The following DNAAF5 variants were observed in gnomAD, a reference collection of about 807,000 sequenced individuals.
DNAAF5 encodes the protein HEAT repeat containing 2.
DNAAF5 carries 64 observed loss-of-function variants against 75.8 expected under a neutral mutation model. That is an observed-to-expected ratio of 0.84 (90% CI 0.69 to 1.04). The LOEUF (loss-of-function observed/expected upper bound fraction) is 1.04, where lower values mean the gene tolerates loss of function less well. DNAAF5 is among the 50% of genes least tolerant of loss of function. DNAAF5 has a pLI of 0.00. For synonymous variants in DNAAF5, 657 were observed against 557.2 expected (o/e 1.18, Z -2.52); for missense variants, 1,269 against 1,178.5 (o/e 1.08, Z -1.12).
Position 785,756 on chromosome 7 carries a change from G to A in DNAAF5, c.*103G>A. 1 of 1,365,824 alleles carries A rather than the reference G, an allele frequency of 7.3e-7. No homozygotes were observed. Among genetic ancestry groups the A allele is most frequent in the Non-Finnish European group, 9.9e-7 (1 of 1,006,000 alleles). The allele number at this position is 1,365,824 out of a possible 1,614,324, so 84.6% of individuals were successfully genotyped here. A position where few individuals can be genotyped will look rare whatever the true frequency, so the allele number is the denominator to read the frequency against. ...GCACCTCTGTGCCAGCAGTGAGACT[G>A]TGACAGCAAGAATGTACTCCTCAGG... is the stretch of plus-strand genomic sequence containing the variant. On this transcript the variant is annotated 3_prime_UTR_variant, in exon 13 of 13. Transcript: ENST00000297440.
chr7:735,351 CATG>C (rs1295975634), intron 2 of DNAAF5, among the ~76,000 whole-genome samples: 1 of 151,568 alleles, frequency 6.6e-6, no homozygotes, highest in Non-Finnish European at 1.5e-5. Flanking sequence ...TGTAGCTGCT[CATG>C]GTGTCGTTGC....
chr7:768,172 G>C (rs368792307), intron 8 of DNAAF5, among the ~76,000 whole-genome samples: 1 of 102,308 alleles, frequency 9.8e-6, no homozygotes, highest in Non-Finnish European at 2.0e-5. Flanking sequence ...CAGACACGTG[G>C]TCCAGGCGGA....
intron 4 of DNAAF5, among the ~76,000 whole-genome samples, chr7:749,930 C>T (rs1326594194): frequency 2.0e-5 from 3 of 152,164 alleles, no homozygotes; most frequent in Non-Finnish European, 4.4e-5. Context: ...AACTCCTGGC[C>T]TCAGGTGATC....
intron 12 of DNAAF5, among the ~76,000 whole-genome samples, chr7:781,567 T>C (rs1562403454): frequency 1.3e-5 from 2 of 150,590 alleles, no homozygotes; most frequent in South Asian, 2.1e-4. Flanking sequence ...TGGGGCTCTA[T>C]TTTTAGTTTT....
chr7:762,503 AAGTGCAT>A (rs1364111062), intron 7 of DNAAF5, among the ~76,000 whole-genome samples: 1 of 151,740 alleles, frequency 6.6e-6, no homozygotes, highest in African/African-American at 2.4e-5. Context: ...AAAAAAAAAA[AAGTGCAT>A]GTGCATGTGT....
Position 726,717 on chromosome 7 carries a change from CA to C in DNAAF5, c.-2del. The C allele has an allele frequency of 2.4e-6, 3 of 1,239,388 alleles. No individual in the cohort carries two copies. The highest frequency in any genetic ancestry group is 3.0e-6 in the Non-Finnish European group (3 of 992,510). The allele number at this position is 1,239,388 out of a possible 1,614,324, so 76.8% of individuals were successfully genotyped here. ...TCCCCTTAGTGACCGGCGACGCGGG[CA>C]AGATGGCGGCGCTGGGGGTGGCGGA... is the stretch of plus-strand genomic sequence containing the variant. On this transcript the variant is annotated 5_prime_UTR_variant, in exon 1 of 13. Transcript: ENST00000297440.
intron 4 of DNAAF5, among the ~76,000 whole-genome samples, chr7:744,335 A>C (rs569738973): frequency 1.3e-5 from 2 of 152,026 alleles, no homozygotes; most frequent in Non-Finnish European, 2.9e-5. Context: ...AATCCAGTCT[A>C]TCATTGTTGG....
chr7:730,395 C>T (rs1781527843), intron 2 of DNAAF5, among the ~76,000 whole-genome samples: 1 of 152,198 alleles, frequency 6.6e-6, no homozygotes, highest in Non-Finnish European at 1.5e-5. Flanking sequence ...ATGCTACACA[C>T]TGTGGCCACC....
intron 2 of DNAAF5, among the ~76,000 whole-genome samples, chr7:738,944 C>G (rs984408609): frequency 6.6e-6 from 1 of 152,232 alleles, no homozygotes; most frequent in Admixed American, 6.5e-5. Context: ...CCAAACCCAG[C>G]GAGTTCAGAC....
intron 2 of DNAAF5, among the ~76,000 whole-genome samples, chr7:734,216 G>T (rs1781666397): frequency 6.6e-6 from 1 of 152,316 alleles, no homozygotes; most frequent in South Asian, 2.1e-4. Flanking sequence ...TCCCCATTCA[G>T]TGTGGTACTA....
At chr7:764,811 C>T (rs946154069) in intron 8 of DNAAF5, among the ~76,000 whole-genome samples, 2 of 152,208 alleles carry the variant, frequency 1.3e-5, no homozygotes, top group African/African-American at 4.8e-5. Context: ...TGGCTCACGC[C>T]TGTAATCCCA....
At chr7:776,075 C>G (rs1230948626) in intron 11 of DNAAF5, among the ~76,000 whole-genome samples, 1 of 152,130 alleles carries the variant, frequency 6.6e-6, no homozygotes, top group African/African-American at 2.4e-5. Flanking sequence ...CACGGTGGCT[C>G]ACGCCTGTAA....
chr7:729,880 T>C, intron 2 of DNAAF5, 33 bp downstream of exon 2: 2 of 1,607,610 alleles, frequency 1.2e-6, no homozygotes, highest in Non-Finnish European at 1.7e-6. Flanking sequence ...AGTCTGTTCC[T>C]CTCTCCAACA....
At chr7:753,920 G>T (rs535822333) in intron 4 of DNAAF5, among the ~76,000 whole-genome samples, 10 of 140,548 alleles carry the variant, frequency 7.1e-5, no homozygotes, top group Non-Finnish European at 1.1e-4. Context: ...TCGCAGGCGT[G>T]TGTCTCTCTG....
In DNAAF5 at chr7:782,581, TC is replaced by T. The variant is rs1441122769; in HGVS notation, c.2431+2440del. ...CACGCGGCGTCAGAAACTCGGATCTTCCCGGCGTGGCCGCGTCCCGTTACGC... is the reference window on the plus strand; with the variant it reads ...CACGCGGCGTCAGAAACTCGGATCTTCCGGCGTGGCCGCGTCCCGTTACGC... On this transcript the variant is annotated intron_variant, in intron 12 of 12. Coordinates refer to ENST00000297440, the MANE Select transcript of DNAAF5 (RefSeq NM_017802.4). 2.3e-4 allele frequency among the ~76,000 whole-genome samples: 32 copies of T among 137,658 alleles called. 1 individual carries two copies. Among genetic ancestry groups the T allele is most frequent in the African/African-American group, 8.9e-4 (31 of 35,020 alleles). 90.3% of individuals were successfully genotyped at this position (137,658 alleles called of 152,430 possible). A position where few individuals can be genotyped will look rare whatever the true frequency, so the allele number is the denominator to read the frequency against.
intron 6 of DNAAF5, among the ~76,000 whole-genome samples, chr7:761,534 A>C (rs959870395): frequency 3.4e-4 from 52 of 152,372 alleles, no homozygotes; most frequent in African/African-American, 1.2e-3. Flanking sequence ...CAGGCGAGAG[A>C]GTGTGCAGGG....
rs565653199 is a variant in DNAAF5, at chr7:748,356, C to T, written c.1025-6233C>T. ...TGGTGGCCCATGGTGTTTTACTTTG[C>T]GATTCCCTAATGAGAGGACATTGGG... On this transcript the variant is annotated intron_variant, in intron 4 of 12. Transcript: ENST00000297440. 2.0e-3 allele frequency among the ~76,000 whole-genome samples: 302 copies of T among 152,312 alleles called. 2 individuals are homozygous for T. Among genetic ancestry groups the T allele is most frequent in the African/African-American group, 6.7e-3 (279 of 41,552 alleles).
chr7:737,022 T>G (rs1011374496), intron 2 of DNAAF5, among the ~76,000 whole-genome samples: 5 of 152,078 alleles, frequency 3.3e-5, no homozygotes, highest in African/African-American at 1.2e-4. Context: ...GCTTTTTAAC[T>G]TTTTGTTGTT....
In DNAAF5 at chr7:756,905, C is replaced by T. The variant is rs373336873; in HGVS notation, c.1381C>T (p.Arg461Trp). Residue 461 changes from arginine (R) to tryptophan (W), a missense_variant, in exon 6 of 13, where the codon CGG (arginine) becomes TGG (tryptophan). Arg to Trp is a moderately radical substitution (Grantham distance 101, BLOSUM62 -3). Transcript: ENST00000297440. ...CCTCCTGGTGCTGGCCTCCGCCATGCGGGGTTGCCCCCGAGAAGCCCTCCA... is the reference window on the plus strand; with the variant it reads ...CCTCCTGGTGCTGGCCTCCGCCATGTGGGGTTGCCCCCGAGAAGCCCTCCA... ...SGLLVLASAM[R>W]GCPREALQPH... The T allele has an allele frequency of 1.6e-5, 25 of 1,611,950 alleles. No individual in the cohort carries two copies. The East Asian group carries it at 2.2e-4, about 14-fold the overall frequency.
Sources: gnomAD v4.1 joint callset for allele counts (sites outside exome capture counted in the v4.1 genomes callset) on GRCh38, gnomAD v4.1.1 for gene constraint, MANE v1.5 for transcripts, NCBI Gene and HGNC (gene_info 2026-07-23, HGNC 2026-07-21) for gene names.